PIP4K2B: variants seen among roughly 807,000 people sequenced by gnomAD.
PIP4K2B encodes the protein phosphatidylinositol 5-phosphate 4-kinase type-2 beta.
Under a neutral mutation model 42.0 loss-of-function variants are expected in PIP4K2B, and 3 were observed. The observed-to-expected ratio is 0.07, with a 90% CI of 0.03 to 0.18. PIP4K2B has a LOEUF of 0.18. Ranked by LOEUF, PIP4K2B falls within the 10% of genes least tolerant of loss-of-function variation. PIP4K2B has a pLI of 1.00. For synonymous variants in PIP4K2B, 204 were observed against 210.1 expected, an observed-to-expected ratio of 0.97 and a Z score of 0.25; for missense variants, 332 against 562.3, an observed-to-expected ratio of 0.59 and a Z score of 4.14.
At position 38,775,730 on chromosome 17, in the gene PIP4K2B, C is replaced by T. The variant is rs533914743; in HGVS notation, c.807+1957G>A. On this transcript the variant is annotated intron_variant, in intron 7 of 9. Coordinates refer to ENST00000619039, the MANE Select transcript of PIP4K2B (RefSeq NM_003559.5). Reference sequence around the variant, plus strand: ...AAAATTAGCTGGGCGTGGCAGCACGCGCCTGTAGTCCCAGCTACTTGGGAG... The same window carrying T: ...AAAATTAGCTGGGCGTGGCAGCACGTGCCTGTAGTCCCAGCTACTTGGGAG... 1.7e-3 allele frequency among the ~76,000 whole-genome samples: 251 copies of T among 152,042 alleles called. 1 individual carries two copies. The highest frequency in any genetic ancestry group is 2.7e-3 in the Non-Finnish European group (184 of 68,004).
chr17:38,788,611 C>A (rs768186794), intron 1 of PIP4K2B, among the ~76,000 whole-genome samples: 5 of 151,982 alleles, frequency 3.3e-5, no homozygotes, highest in African/African-American at 4.8e-5. Context: ...AATCCCAGTA[C>A]TTTGGAAGGC....
intron 4 of PIP4K2B, 117 bp from the exon 5 acceptor site, chr17:38,779,646 T>C (rs1909586938): frequency 2.4e-6 from 2 of 842,678 alleles, no homozygotes; most frequent in Non-Finnish European, 3.8e-6. Flanking sequence ...TCTAGACCAG[T>C]AGTTCTCCAG....
At chr17:38,776,352 G>C (rs1909342876) in intron 7 of PIP4K2B, among the ~76,000 whole-genome samples, 1 of 152,236 alleles carries the variant, frequency 6.6e-6, no homozygotes, top group South Asian at 2.1e-4. Flanking sequence ...AGGGGTTAGG[G>C]AGGGGGAATT....
chr17:38,780,331 G>T, intron 4 of PIP4K2B, 121 bp downstream of exon 4: 2 of 753,356 alleles, frequency 2.7e-6, no homozygotes, highest in Non-Finnish European at 4.2e-6. Context: ...CCCACTGCTT[G>T]GTGATCAGAA....
chr17:38,791,067 G>A (rs1287303415), intron 1 of PIP4K2B, among the ~76,000 whole-genome samples: 1 of 151,680 alleles, frequency 6.6e-6, no homozygotes, highest in African/African-American at 2.4e-5. Flanking sequence ...ATCTCATCAG[G>A]GAGATGAAAA....
intron 7 of PIP4K2B, chr17:38,776,497 G>A (rs1331306065): frequency 3.0e-5 from 10 of 335,982 alleles, no homozygotes; most frequent in Non-Finnish European, 4.7e-5. Context: ...GTTAAGGTGC[G>A]TGCCTATAGT....
chr17:38,775,520 T>C (rs1909286297), intron 7 of PIP4K2B, among the ~76,000 whole-genome samples: 2 of 152,162 alleles, frequency 1.3e-5, no homozygotes, highest in Admixed American at 6.5e-5. Flanking sequence ...CTGCTGGGAT[T>C]ACAGGTGTTA....
chr17:38,781,644 GT>G (rs1909722572), intron 3 of PIP4K2B, among the ~76,000 whole-genome samples: 3 of 151,862 alleles, frequency 2.0e-5, no homozygotes, highest in Admixed American at 2.0e-4. Flanking sequence ...AGCCTACCAA[GT>G]AGCTGGGACT....
rs1910134020 is a variant in PIP4K2B, at chr17:38,788,090, G to C, written c.160-1170C>G. Reference sequence around the variant, plus strand: ...TTTGAATATCTTCATACAAATTGTGGGTCACTCAAGAAATTAGCTCAAGGA... The same window carrying C: ...TTTGAATATCTTCATACAAATTGTGCGTCACTCAAGAAATTAGCTCAAGGA... On this transcript the variant is annotated intron_variant, in intron 1 of 9. Coordinates refer to ENST00000619039, the MANE Select transcript of PIP4K2B (RefSeq NM_003559.5). Among the ~76,000 whole-genome samples, 5 of 152,010 alleles carry C rather than the reference G, an allele frequency of 3.3e-5. 1 individual carries two copies. The South Asian group carries it at 1.0e-3, about 31-fold the overall frequency.
intron 3 of PIP4K2B, among the ~76,000 whole-genome samples, chr17:38,781,334 G>C (rs1909700466): frequency 6.6e-6 from 1 of 151,942 alleles, no homozygotes; most frequent in Non-Finnish European, 1.5e-5. Context: ...GCCTTAAGAG[G>C]GAGGGTGTGG....
rs763184188 is a variant in PIP4K2B, at chr17:38,771,135, G to A, written c.945C>T (p.Asn315=). 1.2e-6 allele frequency: 2 copies of A among 1,614,082 alleles called. No homozygotes were observed. The highest frequency in any genetic ancestry group is 1.1e-5 in the South Asian group (1 of 91,080). Residue 315 remains asparagine, a synonymous_variant, in exon 8 of 10, where the codon AAC becomes AAT. Coordinates refer to ENST00000619039, the MANE Select transcript of PIP4K2B (RefSeq NM_003559.5). ...GAGGTGTGCCATAGGAGCAGAGTAG[G>A]TTGCCACCCACCCCATCATTCTCAC... is the stretch of plus-strand genomic sequence containing the variant. ...EECENDGVGG[N]LLCSYGTPPD...
intron 6 of PIP4K2B, 145 bp from the exon 7 acceptor site, chr17:38,777,945 A>G (rs1909458477): frequency 1.9e-6 from 1 of 516,132 alleles, no homozygotes; most frequent in Non-Finnish European, 3.6e-6. Flanking sequence ...TCAGCAGTGC[A>G]GGAGCCTCTA....
rs1909912302 is a variant in PIP4K2B at position 38,784,712 on chromosome 17, G to A, written c.258-373C>T. Among the ~76,000 whole-genome samples, 3 of 152,202 alleles carry A rather than the reference G, an allele frequency of 2.0e-5. No homozygotes were observed. In the South Asian group the frequency reaches 6.2e-4, roughly 32 times the overall value. ...TAAAAGTTTAAAAACTTTACATCTT[G>A]TATTCACTTTGTAAAAGTAATCCAG... On this transcript the variant is annotated intron_variant, in intron 2 of 9. Transcript: ENST00000619039.
intron 3 of PIP4K2B, among the ~76,000 whole-genome samples, chr17:38,782,632 TCTC>T (rs1471768604): frequency 6.6e-6 from 1 of 152,178 alleles, no homozygotes; most frequent in African/African-American, 2.4e-5. Context: ...GCCCAAGGCA[TCTC>T]CTCCTCCTCT....
Position 38,799,504 on chromosome 17 carries a change from G to A in PIP4K2B, c.-80C>T. On this transcript the variant is annotated 5_prime_UTR_variant, in exon 1 of 10. Transcript: ENST00000619039. The surrounding 1 kb of genome is among the most constrained non-coding windows in gnomAD (Gnocchi z 4.4). ...AGCCAGCGGCCTCAGGCCTCCCCCG[G>A]ACCGATCCCCACCCCCGCTCCCTCA... is the stretch of plus-strand genomic sequence containing the variant. 2 of 1,385,732 alleles carry A rather than the reference G, an allele frequency of 1.4e-6. No homozygotes were observed. Among genetic ancestry groups the A allele is most frequent in the Non-Finnish European group, 1.9e-6 (2 of 1,076,938 alleles). 85.8% of individuals were successfully genotyped at this position (1,385,732 alleles called of 1,614,324 possible).
intron 4 of PIP4K2B, 80 bp from the exon 5 acceptor site, chr17:38,779,609 GCT>G (rs999618922): frequency 7.6e-5 from 93 of 1,219,324 alleles, no homozygotes; most frequent in Middle Eastern, 2.0e-4. Flanking sequence ...AGACTAAAAT[GCT>G]CCCTGGCTCC....
chr17:38,790,073 T>C (rs1910264189), intron 1 of PIP4K2B, among the ~76,000 whole-genome samples: 1 of 152,186 alleles, frequency 6.6e-6, no homozygotes, highest in African/African-American at 2.4e-5. Flanking sequence ...TCAAATTGTA[T>C]ACTTAAAATA....
At position 38,799,217 on chromosome 17, in the gene PIP4K2B, G is replaced by T; in HGVS notation, c.159+49C>A. The T allele has an allele frequency of 6.5e-7, 1 of 1,531,718 alleles. No homozygotes were observed. The highest frequency in any genetic ancestry group is 8.7e-7 in the Non-Finnish European group (1 of 1,145,552). 94.9% of individuals were successfully genotyped at this position (1,531,718 alleles called of 1,614,324 possible). ...GCAAGGGCCCAGGGCTGCAGGGGGC[G>T]TGGGAGCGCGCGGGGCCGCGCTCAG... On this transcript the variant is annotated intron_variant, in intron 1 of 9. Transcript: ENST00000619039. The surrounding 1 kb of genome is among the most constrained non-coding windows in gnomAD (Gnocchi z 4.4).
intron 1 of PIP4K2B, among the ~76,000 whole-genome samples, chr17:38,788,305 A>T (rs1259754123): frequency 6.6e-6 from 1 of 151,868 alleles, no homozygotes; most frequent in Non-Finnish European, 1.5e-5. Flanking sequence ...GGTTCACACC[A>T]TTCTCCTGCC....
Sources: gnomAD v4.1 joint callset for allele counts (sites outside exome capture counted in the v4.1 genomes callset) on GRCh38, gnomAD v4.1.1 for gene constraint, Gnocchi (gnomAD v3.1) non-coding constraint, MANE v1.5 for transcripts, NCBI Gene and HGNC (gene_info 2026-07-23, HGNC 2026-07-21) for gene names.